The following CLCN3 variants were observed in gnomAD, a reference collection of about 807,000 sequenced individuals.
CLCN3 encodes the protein H(+)/Cl(-) exchange transporter 3.
Under a neutral mutation model 83.4 loss-of-function variants are expected in CLCN3, and 16 were observed. The observed-to-expected ratio is 0.19, with a 90% CI of 0.13 to 0.29. The LOEUF (loss-of-function observed/expected upper bound fraction) is 0.29. Among genes scored for constraint, CLCN3 ranks in the 10% least tolerant of loss-of-function variants. The pLI is 1.00. For synonymous variants in CLCN3, 322 were observed against 346.2 expected, an observed-to-expected ratio of 0.93 and a Z score of 0.78; for missense variants, 544 against 1,006.0, an observed-to-expected ratio of 0.54 and a Z score of 6.21.
intron 1 of CLCN3, among the ~76,000 whole-genome samples, chr4:169,630,309 G>A (rs1037975245): frequency 4.6e-5 from 7 of 152,146 alleles, no homozygotes; most frequent in Non-Finnish European, 1.0e-4. Context: ...GTAGTCCTCA[G>A]TGACTATTGT....
rs768801000 is a variant in CLCN3, at chr4:169,690,511, C to T, written c.607-19C>T. ...GCAATGTAAATTAAATTCATACTCT[C>T]GAACTATTTTCTTTTTAGGGTCCTG... On this transcript the variant is annotated intron_variant, in intron 5 of 12. Coordinates refer to ENST00000513761, the MANE Select transcript of CLCN3 (RefSeq NM_001829.4). The T allele has an allele frequency of 5.6e-6, 9 of 1,599,832 alleles. No homozygotes were observed. The highest frequency in any genetic ancestry group is 4.5e-5 in the East Asian group (2 of 44,702).
rs759105108 is a variant in CLCN3 at position 169,704,082 on chromosome 4, T to C, written c.1648T>C (p.Tyr550His). 1 of 1,614,088 alleles carries C rather than the reference T, an allele frequency of 6.2e-7. No homozygotes were observed. The highest frequency in any genetic ancestry group is 8.5e-7 in the Non-Finnish European group (1 of 1,179,994). Residue 550 changes from tyrosine to histidine, a missense_variant, in exon 10 of 13, where the codon TAC becomes CAC. By Grantham distance (83) the Tyr-to-His change is moderately conservative. Coordinates refer to ENST00000513761, the MANE Select transcript of CLCN3 (RefSeq NM_001829.4). ...IVGIAVEQLAYYHHDWFIFKE... is the reference protein window; with the variant it reads ...IVGIAVEQLAHYHHDWFIFKE... ...GGGGATTGCGGTGGAGCAGCTTGCC[T>C]ACTATCACCACGACTGGTTTATCTT... is the stretch of plus-strand genomic sequence containing the variant.
chr4:169,666,377 G>A (rs1731247103), intron 2 of CLCN3, among the ~76,000 whole-genome samples: 1 of 152,212 alleles, frequency 6.6e-6, no homozygotes, highest in African/African-American at 2.4e-5. Context: ...GGTACACCCT[G>A]TGGCATAAGA....
Position 169,697,569 on chromosome 4 carries a change from G to A in CLCN3, c.1398G>A (p.Leu466=), listed in dbSNP as rs779716164. Residue 466 remains leucine (L), a synonymous_variant, in exon 9 of 13, where the codon CTG becomes CTA. Transcript: ENST00000513761. ...AGCTTTTTACAGACTGTGGTCCCCTGGAATCCTCTTCTCTTTGTGACTACA... is the reference window on the plus strand; with the variant it reads ...AGCTTTTTACAGACTGTGGTCCCCTAGAATCCTCTTCTCTTTGTGACTACA... ...IKELFTDCGP[L]ESSSLCDYRN... The A allele has an allele frequency of 1.2e-6, 2 of 1,614,178 alleles. No homozygotes were observed. Among genetic ancestry groups the A allele is most frequent in the Non-Finnish European group, 1.7e-6 (2 of 1,180,028 alleles).
intron 6 of CLCN3, among the ~76,000 whole-genome samples, 194 bp from the exon 7 acceptor site, chr4:169,691,920 G>T (rs1421096987): frequency 1.3e-5 from 2 of 152,074 alleles, no homozygotes. Flanking sequence ...CTTGGGTAGA[G>T]AATTAGATTA....
intron 11 of CLCN3, among the ~76,000 whole-genome samples, chr4:169,709,640 C>T (rs929365918): frequency 6.6e-6 from 1 of 151,236 alleles, no homozygotes; most frequent in East Asian, 1.9e-4. Context: ...AGCCCCACCA[C>T]TGCACTCCAG....
chr4:169,641,881 A>G (rs1398447115), intron 2 of CLCN3, among the ~76,000 whole-genome samples: 2 of 152,230 alleles, frequency 1.3e-5, no homozygotes, highest in Non-Finnish European at 2.9e-5. Flanking sequence ...AGGTAAAACC[A>G]TAATACAAAT....
At position 169,681,076 on chromosome 4, in the gene CLCN3, G is replaced by A. The variant is rs558807576; in HGVS notation, c.318+869G>A. ...TTTTTTTGGAGGTCGGGGGACCGTC[G>A]CCCATTCTGTTGCCCAAACTGGAGT... On this transcript the variant is annotated intron_variant, in intron 3 of 12. Transcript: ENST00000513761. 9.2e-5 allele frequency among the ~76,000 whole-genome samples: 14 copies of A among 151,852 alleles called. No homozygotes were observed. In the South Asian group the frequency reaches 2.1e-3, roughly 23 times the overall value.
chr4:169,713,365 G>T, intron 12 of CLCN3, 70 bp downstream of exon 12: 2 of 1,218,466 alleles, frequency 1.6e-6, no homozygotes, highest in Non-Finnish European at 1.2e-6. Flanking sequence ...AATCTATATA[G>T]TTATTAGGGG....
Position 169,697,704 on chromosome 4 carries a change from C to A in CLCN3, c.1533C>A (p.Ile511=), listed in dbSNP as rs779627892. ...TATGCCTGGCACTCATATTTAAAAT[C>A]ATAATGACAGTATTCACTTTTGGCA... ...WQLCLALIFK[I]IMTVFTFGIK... Residue 511 remains isoleucine, a synonymous_variant, in exon 9 of 13, where the codon ATC becomes ATA. Transcript: ENST00000513761. 3.1e-6 allele frequency: 5 copies of A among 1,611,406 alleles called. No individual in the cohort carries two copies. Among genetic ancestry groups the A allele is most frequent in the Non-Finnish European group, 2.5e-6 (3 of 1,178,978 alleles).
intron 3 of CLCN3, among the ~76,000 whole-genome samples, chr4:169,684,819 G>A (rs1411938800): frequency 6.6e-6 from 1 of 151,942 alleles, no homozygotes; most frequent in East Asian, 1.9e-4. Context: ...CACAAACATA[G>A]TCATTTCGTT....
chr4:169,681,943 A>G (rs975956431), intron 3 of CLCN3, among the ~76,000 whole-genome samples: 1 of 152,222 alleles, frequency 6.6e-6, no homozygotes, highest in African/African-American at 2.4e-5. Flanking sequence ...ATTCAACCTC[A>G]TACACAGATA....
chr4:169,668,419 A>T (rs564868163), intron 2 of CLCN3, among the ~76,000 whole-genome samples: 1 of 152,334 alleles, frequency 6.6e-6, no homozygotes, highest in South Asian at 2.1e-4. Context: ...AATGTTTTAC[A>T]TAATTTGTCT....
At chr4:169,671,460 A>G (rs1017572526) in intron 2 of CLCN3, among the ~76,000 whole-genome samples, 3 of 152,120 alleles carry the variant, frequency 2.0e-5, no homozygotes, top group African/African-American at 7.2e-5. Flanking sequence ...GGTGGGGGAC[A>G]AGGGGAGGGA....
At chr4:169,688,018 A>C (rs1211846198) in intron 4 of CLCN3, among the ~76,000 whole-genome samples, 6 of 152,234 alleles carry the variant, frequency 3.9e-5, no homozygotes, top group African/African-American at 1.2e-4. Context: ...GGTTTGGATC[A>C]GATGATCAAT....
intron 2 of CLCN3, among the ~76,000 whole-genome samples, chr4:169,668,206 A>C (rs1731324731): frequency 6.6e-6 from 1 of 151,678 alleles, no homozygotes; most frequent in Non-Finnish European, 1.5e-5. Flanking sequence ...AATAGAGATG[A>C]GATCTCACTG....
In CLCN3 at chr4:169,722,838, A is replaced by C. The variant is rs924649142; in HGVS notation, c.*2841A>C. Reference sequence around the variant, plus strand: ...TCCATTTTTCTTTTTCATACATTGAAGTGTGTCTCCTTTTCAACCAAAATA... The same window carrying C: ...TCCATTTTTCTTTTTCATACATTGACGTGTGTCTCCTTTTCAACCAAAATA... On this transcript the variant is annotated 3_prime_UTR_variant, in exon 13 of 13. Coordinates refer to ENST00000513761, the MANE Select transcript of CLCN3 (RefSeq NM_001829.4). The C allele has an allele frequency of 3.3e-5, 5 of 152,130 alleles. No individual in the cohort carries two copies. The highest frequency in any genetic ancestry group is 7.4e-5 in the Non-Finnish European group (5 of 68,016). 9.4% of individuals were successfully genotyped at this position (152,130 alleles called of 1,614,324 possible).
chr4:169,678,257 C>T (rs1333273258), intron 2 of CLCN3, among the ~76,000 whole-genome samples: 3 of 152,128 alleles, frequency 2.0e-5, no homozygotes, highest in Non-Finnish European at 4.4e-5. Context: ...CAAAATTCTC[C>T]GCAGCGTCAG....
intron 1 of CLCN3, 126 bp from the exon 2 acceptor site, chr4:169,635,787 A>G (rs909172566): frequency 1.0e-5 from 6 of 574,644 alleles, no homozygotes; most frequent in African/African-American, 3.8e-5. Flanking sequence ...AAAGGTAACT[A>G]TTGTTACAGT....
Sources: gnomAD v4.1 joint callset for allele counts (sites outside exome capture counted in the v4.1 genomes callset) on GRCh38, gnomAD v4.1.1 for gene constraint, MANE v1.5 for transcripts, NCBI Gene and HGNC (gene_info 2026-07-23, HGNC 2026-07-21) for gene names.